Variants in AKAP19 observed in about 807,000 individuals in gnomAD.
AKAP19 encodes the protein A-kinase anchoring protein 19.
the AKAP19 span, among the ~76,000 whole-genome samples, chr2:190,084,397 C>G: frequency 6.6e-6 from 1 of 152,054 alleles, no homozygotes; most frequent in Non-Finnish European, 1.5e-5. Context: ...CCAGCTAGAG[C>G]TCAGTTAATT....
At chr2:190,201,362 C>CTTGT in the AKAP19 span, 1 of 166,864 alleles carries the variant, frequency 6.0e-6, no homozygotes, top group Non-Finnish European at 1.5e-5. Context: ...TAAGACATGA[C>CTTGT]TTGTTAGAAA....
At chr2:189,972,717 C>A in the AKAP19 span, among the ~76,000 whole-genome samples, 2 of 152,040 alleles carry the variant, frequency 1.3e-5, no homozygotes, top group Non-Finnish European at 2.9e-5. Flanking sequence ...AAGTTGGATT[C>A]CTAGGTATTT....
At chr2:190,200,784 G>GAGAT in the AKAP19 span, 1 of 167,512 alleles carries the variant, frequency 6.0e-6, no homozygotes, top group African/African-American at 2.4e-5. Context: ...AGCCATCTTA[G>GAGAT]AGATAACAGT....
chr2:190,043,533 T>C, the AKAP19 span, among the ~76,000 whole-genome samples: 10 of 152,220 alleles, frequency 6.6e-5, no homozygotes, highest in African/African-American at 2.2e-4. Context: ...GTTATTCAGC[T>C]CTGTCAGAAC....
the AKAP19 span, among the ~76,000 whole-genome samples, chr2:190,135,576 T>A: frequency 1.4e-5 from 2 of 144,804 alleles, no homozygotes; most frequent in African/African-American, 5.2e-5. Flanking sequence ...ATTATTGGTT[T>A]AGAGCATGGG....
chr2:190,057,274 C>T, the AKAP19 span: 34 of 1,613,064 alleles, frequency 2.1e-5, no homozygotes, highest in South Asian at 6.6e-5. Context: ...GCACCCACAG[C>T]GGTCTACTAC....
the AKAP19 span, among the ~76,000 whole-genome samples, chr2:190,005,213 G>A: frequency 3.0e-4 from 45 of 152,178 alleles, no homozygotes; most frequent in Admixed American, 9.8e-4. Flanking sequence ...AGCTTCCGCA[G>A]CATGCAGGGA....
At chr2:189,920,156 A>G in the AKAP19 span, among the ~76,000 whole-genome samples, 1 of 152,342 alleles carries the variant, frequency 6.6e-6, no homozygotes, top group South Asian at 2.1e-4. Context: ...CACTTCCAGT[A>G]TTGTATTTTA....
the AKAP19 span, among the ~76,000 whole-genome samples, chr2:190,046,678 T>G: frequency 2.0e-5 from 3 of 152,266 alleles, no homozygotes; most frequent in Non-Finnish European, 2.9e-5. Flanking sequence ...ATAATATCTG[T>G]GACCATGTCA....
the AKAP19 span, among the ~76,000 whole-genome samples, chr2:189,998,771 C>CTTTTTTTTTTTTTTTTTTTTTTTTTTTTT: frequency 1.0e-5 from 1 of 97,546 alleles, no homozygotes; most frequent in Non-Finnish European, 1.9e-5. Context: ...TTCTTTCTTT[C>CTTTTTTTTTTTTTTTTTTTTTTTTTTTTT]TTTTTTTTTT....
the AKAP19 span, among the ~76,000 whole-genome samples, chr2:190,107,752 A>G: frequency 7.4e-4 from 112 of 152,378 alleles, 1 homozygote; most frequent in Admixed American, 6.0e-3. Context: ...CTGTGCAAAG[A>G]AACGTAACTA....
the AKAP19 span, among the ~76,000 whole-genome samples, chr2:189,970,162 C>T: frequency 6.6e-6 from 1 of 152,060 alleles, no homozygotes; most frequent in Non-Finnish European, 1.5e-5. Flanking sequence ...CCACTGAGCC[C>T]AGCCATCAAG....
At chr2:190,037,394 A>G in the AKAP19 span, among the ~76,000 whole-genome samples, 1 of 152,354 alleles carries the variant, frequency 6.6e-6, no homozygotes, top group East Asian at 1.9e-4. Flanking sequence ...GGCCAGGGCC[A>G]AGAATTTGTG....
the AKAP19 span, among the ~76,000 whole-genome samples, chr2:190,148,861 T>C: frequency 6.6e-6 from 1 of 152,304 alleles, no homozygotes; most frequent in Admixed American, 6.5e-5. Flanking sequence ...ATATCTCCTG[T>C]TTCGTTTCTT....
chr2:189,907,364 A>G, the AKAP19 span, among the ~76,000 whole-genome samples: 1 of 152,070 alleles, frequency 6.6e-6, no homozygotes, highest in Non-Finnish European at 1.5e-5. Flanking sequence ...TCCAGTTGCT[A>G]TTCCTTCTGG....
the AKAP19 span, among the ~76,000 whole-genome samples, chr2:189,975,187 A>G: frequency 1.3e-5 from 2 of 151,872 alleles, no homozygotes; most frequent in African/African-American, 4.8e-5. Flanking sequence ...TGGTGAAAAA[A>G]TCTCTCAGCA....
At chr2:190,149,167 T>G in the AKAP19 span, among the ~76,000 whole-genome samples, 1 of 152,160 alleles carries the variant, frequency 6.6e-6, no homozygotes, top group Non-Finnish European at 1.5e-5. Context: ...TTCACCATGT[T>G]GGTCAGGCTG....
chr2:190,137,996 G>A, the AKAP19 span: 1 of 38,306 alleles, frequency 2.6e-5, no homozygotes, highest in Non-Finnish European at 7.3e-5. Flanking sequence ...CTGAAGTTGG[G>A]TACTTTCGTA....
the AKAP19 span, among the ~76,000 whole-genome samples, chr2:190,018,724 G>A: frequency 5.3e-5 from 8 of 152,138 alleles, no homozygotes; most frequent in African/African-American, 1.9e-4. Context: ...TTGTGTCATT[G>A]TGTTGGTGTC....
Sources: allele counts gnomAD v4.1 joint callset (sites outside exome capture counted in the v4.1 genomes callset), GRCh38; gene constraint gnomAD v4.1.1; transcripts MANE v1.5; gene names NCBI Gene and HGNC (gene_info 2026-07-23, HGNC 2026-07-21).